The following NAA50 variants were observed in gnomAD, a reference collection of about 807,000 sequenced individuals.
NAA50 encodes the protein N-alpha-acetyltransferase 50, NatE catalytic subunit.
NAA50 carries 7 observed loss-of-function variants against 20.7 expected under a neutral mutation model. That is an observed-to-expected ratio of 0.34 (90% CI 0.19 to 0.63). The LOEUF is 0.63. NAA50 is among the 30% of genes least tolerant of loss of function. The probability of loss-of-function intolerance (pLI) is 0.75; values close to 1 mark genes in which losing one functional copy is unlikely to be tolerated. For synonymous variants in NAA50, 54 were observed against 70.6 expected (o/e 0.77, Z 1.18); for missense variants, 111 against 199.1 (o/e 0.56, Z 2.66).
At chr3:113,742,217 GT>G (rs1384986342) in intron 1 of NAA50, among the ~76,000 whole-genome samples, 1 of 152,084 alleles carries the variant, frequency 6.6e-6, no homozygotes, top group Admixed American at 6.6e-5. Flanking sequence ...CTAGCTTTTG[GT>G]TTTGCTGAAA....
intron 2 of NAA50, 42 bp from the exon 3 acceptor site, chr3:113,723,583 A>G: frequency 1.3e-6 from 2 of 1,556,456 alleles, no homozygotes; most frequent in African/African-American, 2.7e-5. Flanking sequence ...AACAGACAGA[A>G]TAACACATTT....
chr3:113,721,974 T>A, intron 4 of NAA50, 37 bp from the exon 5 acceptor site: 2 of 1,582,980 alleles, frequency 1.3e-6, no homozygotes, highest in Non-Finnish European at 1.7e-6. Context: ...AAAATTAAAA[T>A]TAAGGTTTCA....
intron 1 of NAA50, among the ~76,000 whole-genome samples, chr3:113,728,372 A>T (rs1708227245): frequency 2.0e-5 from 3 of 152,244 alleles, no homozygotes; most frequent in Admixed American, 2.0e-4. Context: ...AAAGGTGTTT[A>T]CATCTGGTAG....
intron 1 of NAA50, among the ~76,000 whole-genome samples, chr3:113,743,861 G>C (rs940094195): frequency 5.3e-5 from 8 of 152,180 alleles, no homozygotes; most frequent in Non-Finnish European, 1.0e-4. Context: ...ATTTTAAACA[G>C]AGATAATTGC....
intron 1 of NAA50, among the ~76,000 whole-genome samples, chr3:113,725,204 A>C (rs921741): frequency 0.39 from 58,970 of 152,096 alleles, 11,713 homozygotes; most frequent in African/African-American, 0.48. Context: ...GTGAACTTCA[A>C]TACTGTTAAA....
chr3:113,740,484 G>C (rs1198247221), intron 1 of NAA50, among the ~76,000 whole-genome samples: 1 of 151,886 alleles, frequency 6.6e-6, no homozygotes, highest in East Asian at 1.9e-4. Flanking sequence ...TTCCCAACTT[G>C]ACTTCCCAAG....
chr3:113,740,733 A>G (rs1218891828), intron 1 of NAA50: 3 of 161,088 alleles, frequency 1.9e-5, no homozygotes, highest in Non-Finnish European at 4.0e-5. Context: ...TACAAGGCAC[A>G]TTTTTTCTTT....
intron 1 of NAA50, among the ~76,000 whole-genome samples, chr3:113,727,454 C>T (rs959445667): frequency 9.2e-5 from 14 of 152,156 alleles, no homozygotes; most frequent in African/African-American, 2.6e-4. Flanking sequence ...TTCTTGACTT[C>T]ATACAAGAAG....
At chr3:113,731,886 T>C (rs1708278605) in intron 1 of NAA50, among the ~76,000 whole-genome samples, 1 of 152,248 alleles carries the variant, frequency 6.6e-6, no homozygotes, top group Non-Finnish European at 1.5e-5. Flanking sequence ...ATATTTGGGC[T>C]GTATGTGCAT....
intron 1 of NAA50, among the ~76,000 whole-genome samples, chr3:113,738,691 G>A (rs1289587530): frequency 6.6e-6 from 1 of 152,076 alleles, no homozygotes; most frequent in Non-Finnish European, 1.5e-5. Context: ...ACTAAAACTT[G>A]GTTGCTTTTA....
intron 1 of NAA50, among the ~76,000 whole-genome samples, chr3:113,727,440 G>A (rs1291721314): frequency 6.6e-6 from 1 of 151,984 alleles, no homozygotes; most frequent in East Asian, 1.9e-4. Context: ...ATAATACCAG[G>A]TATTTCTTGA....
chr3:113,745,952 TC>T lies in NAA50; in HGVS notation c.-4del. The T allele has an allele frequency of 6.2e-7, 1 of 1,605,488 alleles. No homozygotes were observed. On this transcript the variant is annotated 5_prime_UTR_variant, in exon 1 of 5. Coordinates refer to ENST00000240922, the MANE Select transcript of NAA50 (RefSeq NM_025146.4). Reference sequence around the variant, plus strand: ...GCTGCCCTTCCTCACCCTTTCATCTTCCCCGCCTGCTGAGGCCGTCGTTACC... The same window carrying T: ...GCTGCCCTTCCTCACCCTTTCATCTTCCCGCCTGCTGAGGCCGTCGTTACC...
intron 1 of NAA50, among the ~76,000 whole-genome samples, chr3:113,736,343 T>A (rs1708341260): frequency 6.6e-6 from 1 of 152,208 alleles, no homozygotes; most frequent in Admixed American, 6.5e-5. Context: ...CCAAAGTGCC[T>A]ACAGATACTT....
intron 1 of NAA50, among the ~76,000 whole-genome samples, chr3:113,729,917 T>C (rs1417127184): frequency 6.6e-6 from 1 of 152,162 alleles, no homozygotes; most frequent in Non-Finnish European, 1.5e-5. Flanking sequence ...CTTTTTACTT[T>C]TCCTTGTGTC....
chr3:113,727,048 T>C (rs2107986666), intron 1 of NAA50, among the ~76,000 whole-genome samples: 1 of 152,338 alleles, frequency 6.6e-6, no homozygotes, highest in East Asian at 1.9e-4. Flanking sequence ...CACCTTGGCC[T>C]ACCAAAGTGC....
At chr3:113,741,677 A>C (rs1203266659) in intron 1 of NAA50, among the ~76,000 whole-genome samples, 1 of 152,246 alleles carries the variant, frequency 6.6e-6, no homozygotes, top group African/African-American at 2.4e-5. Flanking sequence ...ATATATCTTG[A>C]TTCAATAAGA....
chr3:113,740,211 A>C (rs1186810320), intron 1 of NAA50, among the ~76,000 whole-genome samples: 3 of 152,172 alleles, frequency 2.0e-5, no homozygotes, highest in Non-Finnish European at 4.4e-5. Context: ...TTTTATTCCA[A>C]GTCTTTAAAA....
Position 113,720,089 on chromosome 3 carries a change from G to C in NAA50, c.*1671C>G, listed in dbSNP as rs973563835. 6.6e-6 allele frequency: 1 copy of C among 152,554 alleles called. No individual in the cohort carries two copies. Among genetic ancestry groups the C allele is most frequent in the Non-Finnish European group, 1.5e-5 (1 of 68,000 alleles). 9.5% of individuals were successfully genotyped at this position (152,554 alleles called of 1,614,324 possible). A position where few individuals can be genotyped will look rare whatever the true frequency, so the allele number is the denominator to read the frequency against. ...CTACATTTTTACCATCTTAAGATTA[G>C]AACCCTATAAACTCATTCATCAACT... On this transcript the variant is annotated 3_prime_UTR_variant, in exon 5 of 5. Coordinates refer to ENST00000240922, the MANE Select transcript of NAA50 (RefSeq NM_025146.4).
Position 113,741,458 on chromosome 3 carries a change from C to G in NAA50, c.8+4484G>C, listed in dbSNP as rs184760207. ...GTTACTACTGGTATTCTATTGGTTACTGCAGGCTGCATTTAAAAAAAGATG... is the reference window on the plus strand; with the variant it reads ...GTTACTACTGGTATTCTATTGGTTAGTGCAGGCTGCATTTAAAAAAAGATG... On this transcript the variant is annotated intron_variant, in intron 1 of 4. Coordinates refer to ENST00000240922, the MANE Select transcript of NAA50 (RefSeq NM_025146.4). Among the ~76,000 whole-genome samples the G allele has an allele frequency of 4.1e-4, 62 of 152,284 alleles. 2 individuals carry two copies. The highest frequency in any genetic ancestry group is 1.2e-3 in the Admixed American group (18 of 15,270).
Sources: gnomAD v4.1 joint callset for allele counts (sites outside exome capture counted in the v4.1 genomes callset) on GRCh38, gnomAD v4.1.1 for gene constraint, MANE v1.5 for transcripts, NCBI Gene and HGNC (gene_info 2026-07-23, HGNC 2026-07-21) for gene names.